SLC30A1: variants seen among roughly 807,000 people sequenced by gnomAD.
The protein encoded by SLC30A1 is solute carrier family 30 member 1.
A neutral mutation model predicts 29.8 loss-of-function variants in SLC30A1; 7 were observed. The observed-to-expected ratio is 0.23, with a 90% CI of 0.13 to 0.44. SLC30A1 has a LOEUF of 0.44. Ranked by LOEUF, SLC30A1 falls within the 20% of genes least tolerant of loss-of-function variation. SLC30A1 has a pLI of 1.00. For missense variants in SLC30A1, 446 were observed against 647.9 expected (o/e 0.69, Z 3.38); for synonymous variants, 254 against 253.5 (o/e 1.00, Z -0.02).
chr1:211,578,040 G>A lies in SLC30A1; in HGVS notation c.573C>T (p.Thr191=). Residue 191 remains threonine (T), a synonymous_variant, in exon 1 of 2, where the codon ACC becomes ACT. Transcript: ENST00000367001. Reference sequence around the variant, plus strand: ...TGGAGTTGCTGGTATTGGCCACCAGGGTGTTGGTCTCCTCCTGGTCGGGAC... The same window carrying A: ...TGGAGTTGCTGGTATTGGCCACCAGAGTGTTGGTCTCCTCCTGGTCGGGAC... ...EQGPDQEETN[T]LVANTSNSNG... The A allele has an allele frequency of 1.9e-6, 3 of 1,613,238 alleles. No homozygotes were observed. The highest frequency in any genetic ancestry group is 2.5e-6 in the Non-Finnish European group (3 of 1,179,872).
In SLC30A1 at chr1:211,578,642, G is replaced by GC. The variant is rs1558204908; in HGVS notation, c.-31dup. ...GCGGCTGCGGGGCCCGCCGAGCCCGGCCCGGAGACTGGTGCAGCGGCGGCG... is the reference window on the plus strand; with the variant it reads ...GCGGCTGCGGGGCCCGCCGAGCCCGGCCCCGGAGACTGGTGCAGCGGCGGCG... On this transcript the variant is annotated 5_prime_UTR_variant, in exon 1 of 2. Coordinates refer to ENST00000367001, the MANE Select transcript of SLC30A1 (RefSeq NM_021194.3). The GC allele has an allele frequency of 6.7e-7, 1 of 1,502,278 alleles. No individual in the cohort carries two copies. The highest frequency in any genetic ancestry group is 2.2e-5 in the Admixed American group (1 of 45,660). The allele number at this position is 1,502,278 out of a possible 1,614,324, so 93.1% of individuals were successfully genotyped here.
chr1:211,575,170 A>G lies in SLC30A1; in HGVS notation c.*218T>C, dbSNP rs2102405908. Reference sequence around the variant, plus strand: ...AACATAGTGTTAAAACTGGCTTTCCAAAACAGTCACAGCATAGCTGTACTC... The same window carrying G: ...AACATAGTGTTAAAACTGGCTTTCCGAAACAGTCACAGCATAGCTGTACTC... On this transcript the variant is annotated 3_prime_UTR_variant, in exon 2 of 2. Coordinates refer to ENST00000367001, the MANE Select transcript of SLC30A1 (RefSeq NM_021194.3). The surrounding 1 kb of genome is among the most constrained non-coding windows in gnomAD (Gnocchi z 6.0). The G allele has an allele frequency of 4.9e-6, 2 of 411,338 alleles. No homozygotes were observed. Among genetic ancestry groups the G allele is most frequent in the East Asian group, 7.3e-5 (2 of 27,510 alleles). 25.5% of individuals were successfully genotyped at this position (411,338 alleles called of 1,614,324 possible).
In SLC30A1 at chr1:211,577,685, C is replaced by T. The variant is rs1706736240; in HGVS notation, c.622+306G>A. Among the ~76,000 whole-genome samples the T allele has an allele frequency of 6.6e-6, 1 of 152,202 alleles. No homozygotes were observed. The highest frequency in any genetic ancestry group is 1.9e-4 in the East Asian group (1 of 5,194). On this transcript the variant is annotated intron_variant, in intron 1 of 1. Transcript: ENST00000367001. The surrounding 1 kb of genome is among the most constrained non-coding windows in gnomAD (Gnocchi z 4.5). ...AAGTTGCTGCAGCCTGTAAAGACAG[C>T]CAAGTGCGGGTGTGGACTGCAGCGG...
In SLC30A1 at chr1:211,579,107, T is replaced by C. The variant is rs1706758982; in HGVS notation, c.-495A>G. Among the ~76,000 whole-genome samples the C allele has an allele frequency of 6.6e-6, 1 of 152,120 alleles. No individual in the cohort carries two copies. Among genetic ancestry groups the C allele is most frequent in the East Asian group, 1.9e-4 (1 of 5,192 alleles). Reference sequence around the variant, plus strand: ...ACTGAGGAGCGGATGGCTGAGGAGCTAGAGAGGCGGCGGCCACGGCAGCTG... The same window carrying C: ...ACTGAGGAGCGGATGGCTGAGGAGCCAGAGAGGCGGCGGCCACGGCAGCTG... On this transcript the variant is annotated 5_prime_UTR_variant, in exon 1 of 2. Transcript: ENST00000367001.
At position 211,571,896 on chromosome 1, in the gene SLC30A1, A is replaced by C. The variant is rs2102405039; in HGVS notation, c.*3492T>G. On this transcript the variant is annotated 3_prime_UTR_variant, in exon 2 of 2. Coordinates refer to ENST00000367001, the MANE Select transcript of SLC30A1 (RefSeq NM_021194.3). The stretch of plus-strand genomic sequence containing the variant: ...TCATAATCACAGAATATACTGATAC[A>C]CTTCATTGTGCTGTTTCAAGGCAGA... The C allele has an allele frequency of 6.6e-6, 1 of 152,320 alleles. No individual in the cohort carries two copies. The highest frequency in any genetic ancestry group is 6.5e-5 in the Admixed American group (1 of 15,304). 9.4% of individuals were successfully genotyped at this position (152,320 alleles called of 1,614,324 possible).
chr1:211,577,208 T>G lies in SLC30A1; in HGVS notation c.622+783A>C, dbSNP rs1706731365. On this transcript the variant is annotated intron_variant, in intron 1 of 1. Coordinates refer to ENST00000367001, the MANE Select transcript of SLC30A1 (RefSeq NM_021194.3). This position sits in a 1 kb window ranked among gnomAD's most constrained non-coding sequence, Gnocchi z 4.5. ...CCATTGAGCTTGGGTAGTAGGACAC[T>G]GGTTGAGTCATTTCCATCTCCTTTC... is the stretch of plus-strand genomic sequence containing the variant. Among the ~76,000 whole-genome samples the G allele has an allele frequency of 6.6e-6, 1 of 152,238 alleles. No individual in the cohort carries two copies. Among genetic ancestry groups the G allele is most frequent in the Non-Finnish European group, 1.5e-5 (1 of 68,040 alleles).
At position 211,577,998 on chromosome 1, in the gene SLC30A1, G is replaced by A; in HGVS notation, c.615C>T (p.Asp205=). Residue 205 remains aspartate (D), a synonymous_variant, in exon 1 of 2, where the codon GAC becomes GAT. Transcript: ENST00000367001. The surrounding 1 kb of genome is among the most constrained non-coding windows in gnomAD (Gnocchi z 4.5). Reference sequence around the variant, plus strand: ...GCGACTTTCCCGGCTCACCTGCGGGGTCCAATTTCAGCCCGTTGGAGTTGC... The same window carrying A: ...GCGACTTTCCCGGCTCACCTGCGGGATCCAATTTCAGCCCGTTGGAGTTGC... ...NTSNSNGLKL[D]PADPENPRSG... 1.2e-6 allele frequency: 2 copies of A among 1,612,928 alleles called. No individual in the cohort carries two copies. The highest frequency in any genetic ancestry group is 1.7e-5 in the Admixed American group (1 of 60,006).
At position 211,573,676 on chromosome 1, in the gene SLC30A1, A is replaced by C. The variant is rs537632495; in HGVS notation, c.*1712T>G. 1 of 152,204 alleles carries C rather than the reference A, an allele frequency of 6.6e-6. No homozygotes were observed. The highest frequency in any genetic ancestry group is 1.9e-4 in the East Asian group (1 of 5,194). 9.4% of individuals were successfully genotyped at this position (152,204 alleles called of 1,614,324 possible). On this transcript the variant is annotated 3_prime_UTR_variant, in exon 2 of 2. Transcript: ENST00000367001. ...AAACCTTTTCGCAAAATTCAAGGTA[A>C]CTATCAGTTTAGGAATTGAATTACA...
At position 211,577,992 on chromosome 1, in the gene SLC30A1, T is replaced by C. The variant is rs1449944670; in HGVS notation, c.621A>G (p.Ala207=). 9.9e-6 allele frequency: 16 copies of C among 1,612,560 alleles called. No homozygotes were observed. Among genetic ancestry groups the C allele is most frequent in the Non-Finnish European group, 1.4e-5 (16 of 1,179,740 alleles). ...SNSNGLKLDP[A]DPENPRSGDT... ...GCGGCAGCGACTTTCCCGGCTCACC[T>C]GCGGGGTCCAATTTCAGCCCGTTGG... The change falls in exon 1 of 2, where the codon GCA becomes GCG. Residue 207 remains alanine, a splice_region_variant and synonymous_variant. Transcript: ENST00000367001. The surrounding 1 kb of genome is among the most constrained non-coding windows in gnomAD (Gnocchi z 4.5).
Position 211,575,706 on chromosome 1 carries a change from G to T in SLC30A1, c.1206C>A (p.Thr402=). Residue 402 remains threonine, a synonymous_variant, in exon 2 of 2, where the codon ACC becomes ACA. Coordinates refer to ENST00000367001, the MANE Select transcript of SLC30A1 (RefSeq NM_021194.3). The surrounding 1 kb of genome is among the most constrained non-coding windows in gnomAD (Gnocchi z 6.0). ...CGTGATTATGAAAAACGTCTTTAAT[G>T]GTTTTAGCCACCTCCATGTATGATG... ...DPTSYMEVAK[T]IKDVFHNHGI... is the part of the protein sequence containing the mutation. 1 of 1,614,156 alleles carries T rather than the reference G, an allele frequency of 6.2e-7. No individual in the cohort carries two copies. Among genetic ancestry groups the T allele is most frequent in the South Asian group, 1.1e-5 (1 of 91,084 alleles).
At position 211,574,134 on chromosome 1, in the gene SLC30A1, T is replaced by C. The variant is rs1443524560; in HGVS notation, c.*1254A>G. On this transcript the variant is annotated 3_prime_UTR_variant, in exon 2 of 2. Coordinates refer to ENST00000367001, the MANE Select transcript of SLC30A1 (RefSeq NM_021194.3). ...AAAGCATACCCTCTATCAAGAAAAA[T>C]ATAACTTAAACACCCTTAAATATTT... 2 of 152,128 alleles carry C rather than the reference T, an allele frequency of 1.3e-5. No individual in the cohort carries two copies. The highest frequency in any genetic ancestry group is 2.1e-4 in the South Asian group (1 of 4,830). The allele number at this position is 152,128 out of a possible 1,614,324, so 9.4% of individuals were successfully genotyped here.
Position 211,575,843 on chromosome 1 carries a change from T to G in SLC30A1, c.1069A>C (p.Ile357Leu). ...CCTTCAACATTTCGAAGTTCTTTTATCAAATTTCTGATATCAATTTGTTTA... is the reference window on the plus strand; with the variant it reads ...CCTTCAACATTTCGAAGTTCTTTTAGCAAATTTCTGATATCAATTTGTTTA... ...VPKQIDIRNL[I>L]KELRNVEGVE... Residue 357 changes from isoleucine to leucine, a missense_variant, in exon 2 of 2, where the codon ATA becomes CTA. This residue lies in a region of SLC30A1 where 187 missense variants were observed against 312.7 expected (regional missense o/e 0.60). Transcript: ENST00000367001. This position sits in a 1 kb window ranked among gnomAD's most constrained non-coding sequence, Gnocchi z 6.0. 6.2e-7 allele frequency: 1 copy of G among 1,613,680 alleles called. No individual in the cohort carries two copies.
In SLC30A1 at chr1:211,572,084, A is replaced by C. The variant is rs1706660480; in HGVS notation, c.*3304T>G. The C allele has an allele frequency of 6.6e-6, 1 of 152,166 alleles. No homozygotes were observed. The highest frequency in any genetic ancestry group is 6.5e-5 in the Admixed American group (1 of 15,288). The allele number at this position is 152,166 out of a possible 1,614,324, so 9.4% of individuals were successfully genotyped here. A position where few individuals can be genotyped will look rare whatever the true frequency, so the allele number is the denominator to read the frequency against. The stretch of plus-strand genomic sequence containing the variant: ...ATACAAAAGGCTCTTGTGCCAGTGA[A>C]AATGACTGCTAAATATTCCAGAGCT... On this transcript the variant is annotated 3_prime_UTR_variant, in exon 2 of 2. Coordinates refer to ENST00000367001, the MANE Select transcript of SLC30A1 (RefSeq NM_021194.3).
Position 211,576,111 on chromosome 1 carries a change from T to C in SLC30A1, c.801A>G (p.Leu267=), listed in dbSNP as rs760283218. 6.2e-7 allele frequency: 1 copy of C among 1,613,894 alleles called. No homozygotes were observed. The highest frequency in any genetic ancestry group is 2.2e-5 in the East Asian group (1 of 44,880). The change falls in exon 2 of 2, where the codon TTA becomes TTG. Residue 267 remains leucine (L), a synonymous_variant. Coordinates refer to ENST00000367001, the MANE Select transcript of SLC30A1 (RefSeq NM_021194.3). ...AACCTTTCCAAGAAAAGTAAAAGAC[T>C]AAGGCATTTACTACTACAATCACTG... The part of the protein sequence containing the change: ...LGSVIVVVNA[L]VFYFSWKGCS...
chr1:211,576,455 C>T (rs1706719525), intron 1 of SLC30A1, among the ~76,000 whole-genome samples, 166 bp from the exon 2 acceptor site: 1 of 152,120 alleles, frequency 6.6e-6, no homozygotes, highest in African/African-American at 2.4e-5. Context: ...TGGGAATGAG[C>T]CAGGACATAA....
chr1:211,573,590 G>A lies in SLC30A1; in HGVS notation c.*1798C>T, dbSNP rs1706679840. 1 of 151,982 alleles carries A rather than the reference G, an allele frequency of 6.6e-6. No individual in the cohort carries two copies. The highest frequency in any genetic ancestry group is 2.4e-5 in the African/African-American group (1 of 41,420). The allele number at this position is 151,982 out of a possible 1,614,324, so 9.4% of individuals were successfully genotyped here. ...TGTACATGATACAGTACAATTCACAGCTTTCTCTTCTTGTTCGCCCAGATG... is the reference window on the plus strand; with the variant it reads ...TGTACATGATACAGTACAATTCACAACTTTCTCTTCTTGTTCGCCCAGATG... On this transcript the variant is annotated 3_prime_UTR_variant, in exon 2 of 2. Coordinates refer to ENST00000367001, the MANE Select transcript of SLC30A1 (RefSeq NM_021194.3).
Position 211,571,680 on chromosome 1 carries a change from G to C in SLC30A1, c.*3708C>G, listed in dbSNP as rs1470314925. On this transcript the variant is annotated 3_prime_UTR_variant, in exon 2 of 2. Transcript: ENST00000367001. Reference sequence around the variant, plus strand: ...TACATAACAATCCATAAAGCCTCATGGTGAGGTAGGAACAGCTTTGGAAAA... The same window carrying C: ...TACATAACAATCCATAAAGCCTCATCGTGAGGTAGGAACAGCTTTGGAAAA... 1.3e-5 allele frequency: 2 copies of C among 152,144 alleles called. No individual in the cohort carries two copies. The highest frequency in any genetic ancestry group is 2.9e-5 in the Non-Finnish European group (2 of 68,012). 9.4% of individuals were successfully genotyped at this position (152,144 alleles called of 1,614,324 possible). A position where few individuals can be genotyped will look rare whatever the true frequency, so the allele number is the denominator to read the frequency against.
intron 1 of SLC30A1, among the ~76,000 whole-genome samples, 200 bp from the exon 2 acceptor site, chr1:211,576,489 T>G (rs1388402816): frequency 6.6e-6 from 1 of 152,186 alleles, no homozygotes; most frequent in Non-Finnish European, 1.5e-5. Flanking sequence ...ATTAAGTCAT[T>G]GTGATACTGC....
rs763642148 is a variant in SLC30A1, at chr1:211,578,429, G to A, written c.184C>T (p.Arg62Trp). ...TTCTTCTGGGTGGCGTGGGTCCGCC[G>A]GGCGAAGCGCTCGGCCACCAGCGCC... ...VVALVAERFA[R>W]RTHATQKNTF... Residue 62 changes from arginine to tryptophan, a missense_variant, in exon 1 of 2, where the codon CGG (arginine) becomes TGG (tryptophan). By Grantham distance (101) the Arg-to-Trp change is moderately radical. Transcript: ENST00000367001. 5 of 1,612,368 alleles carry A rather than the reference G, an allele frequency of 3.1e-6. No homozygotes were observed. The Admixed American group carries it at 8.3e-5, about 27-fold the overall frequency.
Sources: allele counts gnomAD v4.1 joint callset (sites outside exome capture counted in the v4.1 genomes callset), GRCh38; gene constraint gnomAD v4.1.1; regional missense constraint gnomAD v4.1.1; non-coding constraint Gnocchi (gnomAD v3.1); transcripts MANE v1.5; gene names NCBI Gene and HGNC (gene_info 2026-07-23, HGNC 2026-07-21).